Variants in PACRGL observed in about 807,000 individuals in gnomAD.
The protein encoded by PACRGL is parkin coregulated like.
PACRGL carries 38 observed loss-of-function variants against 34.5 expected under a neutral mutation model. That is an observed-to-expected ratio of 1.10 (90% CI 0.85 to 1.44). PACRGL has a LOEUF of 1.44. Ranked by LOEUF, PACRGL falls within the 40% of genes most tolerant of loss-of-function variation. PACRGL has a pLI of 0.00. For synonymous variants in PACRGL, 128 were observed against 100.1 expected (o/e 1.28, Z -1.66); for missense variants, 305 against 281.4 (o/e 1.08, Z -0.60).
Position 20,713,678 on chromosome 4 carries a change from G to C in PACRGL, c.609+139G>C. 5.0e-6 allele frequency: 3 copies of C among 594,616 alleles called. No homozygotes were observed. In the South Asian group the frequency reaches 7.2e-5, roughly 14 times the overall value. The allele number at this position is 594,616 out of a possible 1,614,324, so 36.8% of individuals were successfully genotyped here. A position where few individuals can be genotyped will look rare whatever the true frequency, so the allele number is the denominator to read the frequency against. ...TACACACTGCTTTGAATGTGTCCCA[G>C]AGATTCTGGTATGTTGTGTCTTTGT... On this transcript the variant is annotated intron_variant, in intron 7 of 8. Coordinates refer to ENST00000503585, the MANE Select transcript of PACRGL (RefSeq NM_001258345.3).
In PACRGL at chr4:20,731,891, G is replaced by A. The variant is rs1748342607; in HGVS notation, c.*4550G>A. The A allele has an allele frequency of 6.7e-7, 1 of 1,482,666 alleles. No individual in the cohort carries two copies. The highest frequency in any genetic ancestry group is 1.4e-5 in the African/African-American group (1 of 70,982). The allele number at this position is 1,482,666 out of a possible 1,614,324, so 91.8% of individuals were successfully genotyped here. A position where few individuals can be genotyped will look rare whatever the true frequency, so the allele number is the denominator to read the frequency against. On this transcript the variant is annotated 3_prime_UTR_variant, in exon 9 of 9. Transcript: ENST00000503585. ...GCTTATGCTGCATGTTGTAGAAGTG[G>A]TAAACTTAGGCATATGATCTCTATA...
At chr4:20,764,012 G>T in the PACRGL span, among the ~76,000 whole-genome samples, 2 of 152,106 alleles carry the variant, frequency 1.3e-5, no homozygotes, top group East Asian at 3.9e-4. Flanking sequence ...TTTTTCTAAG[G>T]ATCCAAGAAG....
intron 1 of PACRGL, chr4:20,701,673 T>G (rs1732223622): frequency 3.0e-6 from 1 of 334,942 alleles, no homozygotes; most frequent in African/African-American, 2.2e-5. Flanking sequence ...TCCAGGTGGA[T>G]ATTATTTTAA....
At chr4:20,739,064 T>C (rs1750414754) in intron 8 of PACRGL, among the ~76,000 whole-genome samples, 1 of 152,016 alleles carries the variant, frequency 6.6e-6, no homozygotes, top group Admixed American at 6.6e-5. Flanking sequence ...TTGCTGAGAC[T>C]TGACTAGGTA....
rs1160169512 is a variant in PACRGL, at chr4:20,748,894, G to GTGTGTA, written c.*57-3670_*57-3669insGTGTAT. Among the ~76,000 whole-genome samples, 316 of 145,252 alleles carry GTGTGTA rather than the reference G, an allele frequency of 2.2e-3. 1 individual carries two copies. Among genetic ancestry groups the GTGTGTA allele is most frequent in the African/African-American group, 5.7e-3 (225 of 39,738 alleles). On this transcript the variant is annotated intron_variant, in intron 8 of 8. Transcript: ENST00000507634. ...CGTGTGTGTGTGTATGTGTGTGTGTGTATATATATATATATATATATATGA... is the reference window on the plus strand; with the variant it reads ...CGTGTGTGTGTGTATGTGTGTGTGTGTGTGTATATATATATATATATATATATATGA...
intron 2 of PACRGL, 45 bp downstream of exon 2, chr4:20,704,578 G>A: frequency 6.2e-7 from 1 of 1,613,012 alleles, no homozygotes; most frequent in Non-Finnish European, 8.5e-7. Flanking sequence ...GTTTGTTCAT[G>A]GCACTTTCTG....
the PACRGL span, among the ~76,000 whole-genome samples, chr4:20,764,681 G>GACACACACACACACACACAC: frequency 4.8e-5 from 7 of 147,220 alleles, no homozygotes; most frequent in East Asian, 2.0e-4. Flanking sequence ...ATGGGAATTG[G>GACACACACACACACACACAC]ACACACACAC....
the PACRGL span, among the ~76,000 whole-genome samples, chr4:20,762,350 T>C: frequency 1.3e-5 from 2 of 152,168 alleles, no homozygotes; most frequent in Non-Finnish European, 2.9e-5. Flanking sequence ...TTTCAACATA[T>C]GAGTTCTAAA....
intron 8 of PACRGL, among the ~76,000 whole-genome samples, chr4:20,743,059 G>A (rs892160625): frequency 5.4e-5 from 7 of 129,958 alleles, no homozygotes; most frequent in African/African-American, 1.9e-4. Flanking sequence ...AGGGTGTGAA[G>A]GACCCTTATA....
rs1364451216 is a variant in PACRGL at position 20,751,055 on chromosome 4, C to T, written c.*57-1510C>T. On this transcript the variant is annotated intron_variant, in intron 8 of 8. Transcript: ENST00000507634. The stretch of plus-strand genomic sequence containing the variant: ...ACGGCCTCCTTACAGGTTGTTTTTC[C>T]CGAATGCTTCAGTGTAGTAATTAAC... 2.0e-5 allele frequency among the ~76,000 whole-genome samples: 3 copies of T among 152,236 alleles called. No individual in the cohort carries two copies. The East Asian group carries it at 5.8e-4, about 29-fold the overall frequency.
At chr4:20,717,108 T>C (rs575505175) in intron 7 of PACRGL, among the ~76,000 whole-genome samples, 49 of 152,338 alleles carry the variant, frequency 3.2e-4, no homozygotes, top group Middle Eastern at 3.4e-3. Flanking sequence ...TTTTCATGTG[T>C]CTGTTGGCTG....
At position 20,731,965 on chromosome 4, in the gene PACRGL, A is replaced by G; in HGVS notation, c.*4624A>G. On this transcript the variant is annotated 3_prime_UTR_variant, in exon 9 of 9. Coordinates refer to ENST00000503585, the MANE Select transcript of PACRGL (RefSeq NM_001258345.3). ...GCTGCTAATACTCAGTTTAGCTGTT[A>G]TGATAGCTGAATTGATAGTTATTAC... 2 of 1,610,682 alleles carry G rather than the reference A, an allele frequency of 1.2e-6. No individual in the cohort carries two copies. The highest frequency in any genetic ancestry group is 1.9e-4 in the Middle Eastern group (1 of 5,300).
intron 8 of PACRGL, among the ~76,000 whole-genome samples, chr4:20,743,581 A>T (rs527250045): frequency 4.5e-4 from 69 of 152,320 alleles, no homozygotes; most frequent in African/African-American, 1.6e-3. Flanking sequence ...AGAAAGCTGA[A>T]ACTGGATCCC....
At chr4:20,722,285 T>C (rs904700595) in intron 7 of PACRGL, among the ~76,000 whole-genome samples, 1 of 152,236 alleles carries the variant, frequency 6.6e-6, no homozygotes, top group African/African-American at 2.4e-5. Flanking sequence ...GGTGAGGCGA[T>C]GCCTCGCCCT....
At chr4:20,711,403 T>C (rs1344708692) in intron 5 of PACRGL, among the ~76,000 whole-genome samples, 1 of 152,180 alleles carries the variant, frequency 6.6e-6, no homozygotes, top group Non-Finnish European at 1.5e-5. Context: ...GAACCACTGC[T>C]GAAATCCACT....
At position 20,730,081 on chromosome 4, in the gene PACRGL, G is replaced by GTTAAATCACA; in HGVS notation, c.*2743_*2752dup. 2 of 1,608,398 alleles carry GTTAAATCACA rather than the reference G, an allele frequency of 1.2e-6. No individual in the cohort carries two copies. The highest frequency in any genetic ancestry group is 1.7e-6 in the Non-Finnish European group (2 of 1,178,068). ...GTTGGATTCAGGATCTATTTGACAAGTTAAATCACATTTTCAAAGAGCTGC... is the reference window on the plus strand; with the variant it reads ...GTTGGATTCAGGATCTATTTGACAAGTTAAATCACATTAAATCACATTTTCAAAGAGCTGC... On this transcript the variant is annotated 3_prime_UTR_variant, in exon 9 of 9. Transcript: ENST00000503585.
In PACRGL at chr4:20,731,408, C is replaced by G. The variant is rs1432434031; in HGVS notation, c.*4067C>G. On this transcript the variant is annotated 3_prime_UTR_variant, in exon 9 of 9. Coordinates refer to ENST00000503585, the MANE Select transcript of PACRGL (RefSeq NM_001258345.3). ...TTTAACTGTGGTTCTGCCCACACAT[C>G]AAGTCAAATAATTCTAAGTAAGCTA... 1.0e-6 allele frequency: 1 copy of G among 985,218 alleles called. No individual in the cohort carries two copies. Among genetic ancestry groups the G allele is most frequent in the African/African-American group, 1.7e-5 (1 of 57,224 alleles). 61.0% of individuals were successfully genotyped at this position (985,218 alleles called of 1,614,324 possible). A position where few individuals can be genotyped will look rare whatever the true frequency, so the allele number is the denominator to read the frequency against.
rs185185559 is a variant in PACRGL, at chr4:20,706,941, A to G, written c.208-862A>G. Among the ~76,000 whole-genome samples, 11 of 152,332 alleles carry G rather than the reference A, an allele frequency of 7.2e-5. 1 individual carries two copies. The highest frequency in any genetic ancestry group is 7.2e-4 in the Admixed American group (11 of 15,294). On this transcript the variant is annotated intron_variant, in intron 3 of 8. Coordinates refer to ENST00000503585, the MANE Select transcript of PACRGL (RefSeq NM_001258345.3). ...TCCTATGTGCTTTTACTCAAAACTC[A>G]TGCTTTTCCAGAGGAAAAAAGAGCT...
At chr4:20,734,774 T>A (rs1033170692), downstream of PACRGL, 99 of 1,290,828 alleles carry the variant, frequency 7.7e-5, 1 homozygote, top group Non-Finnish European at 1.0e-4. Flanking sequence ...ATGACATTTT[T>A]AAAAAAACAA....
Sources: allele counts gnomAD v4.1 joint callset (sites outside exome capture counted in the v4.1 genomes callset), GRCh38; gene constraint gnomAD v4.1.1; transcripts MANE v1.5; gene names NCBI Gene and HGNC (gene_info 2026-07-23, HGNC 2026-07-21).